The following RASIP1 variants were observed in gnomAD, a reference collection of about 807,000 sequenced individuals.
RASIP1 encodes the protein ras-interacting protein 1.
A neutral mutation model predicts 85.3 loss-of-function variants in RASIP1; 20 were observed. The ratio of observed to expected loss-of-function variants is 0.23; its 90% confidence interval spans 0.17 to 0.34. The LOEUF is 0.34. RASIP1 is among the 10% of genes least tolerant of loss of function. RASIP1 has a pLI of 1.00. For missense variants in RASIP1, 1,170 were observed against 1,390.9 expected (o/e 0.84, Z 2.53); for synonymous variants, 617 against 647.1 (o/e 0.95, Z 0.71).
At chr19:48,735,620 T>C in intron 3 of RASIP1, 69 bp from the exon 4 acceptor site, 1 of 1,397,206 alleles carries the variant, frequency 7.2e-7, no homozygotes. Context: ...CTGCAGATTA[T>C]GAGACAAAGA....
chr19:48,733,434 T>C (rs1209483164), intron 4 of RASIP1, among the ~76,000 whole-genome samples: 1 of 152,176 alleles, frequency 6.6e-6, no homozygotes, highest in Non-Finnish European at 1.5e-5. Context: ...CTATGTAAAA[T>C]AGATAGAAGG....
At position 48,728,050 on chromosome 19, in the gene RASIP1, A is replaced by G. The variant is rs188200873; in HGVS notation, c.1834-620T>C. Among the ~76,000 whole-genome samples the G allele has an allele frequency of 2.0e-4, 31 of 152,174 alleles. No individual in the cohort carries two copies. The East Asian group carries it at 5.4e-3, about 27-fold the overall frequency. The stretch of plus-strand genomic sequence containing the variant: ...TCTCTCCTTACTTTTTAAAACATAC[A>G]CACCCTATGATTATGAGTGATCTAG... On this transcript the variant is annotated intron_variant, in intron 5 of 11. Transcript: ENST00000222145.
At position 48,740,487 on chromosome 19, in the gene RASIP1, G is replaced by T; in HGVS notation, c.-5+34C>A. 1 of 1,402,382 alleles carries T rather than the reference G, an allele frequency of 7.1e-7. No individual in the cohort carries two copies. Among genetic ancestry groups the T allele is most frequent in the Non-Finnish European group, 9.2e-7 (1 of 1,086,398 alleles). The allele number at this position is 1,402,382 out of a possible 1,614,324, so 86.9% of individuals were successfully genotyped here. A position where few individuals can be genotyped will look rare whatever the true frequency, so the allele number is the denominator to read the frequency against. ...GGACTGAGTCTTGGGGCCCAGGGAGGAGGGGTTTGGGCTGCTGGGTCCCTG... is the reference window on the plus strand; with the variant it reads ...GGACTGAGTCTTGGGGCCCAGGGAGTAGGGGTTTGGGCTGCTGGGTCCCTG... On this transcript the variant is annotated intron_variant, in intron 1 of 11. Coordinates refer to ENST00000222145, the MANE Select transcript of RASIP1 (RefSeq NM_017805.3). The surrounding 1 kb of genome is among the most constrained non-coding windows in gnomAD (Gnocchi z 5.5).
rs201600970 is a variant in RASIP1, at chr19:48,726,960, G to A, written c.2023+47C>T. The A allele has an allele frequency of 2.1e-5, 34 of 1,612,312 alleles. No individual in the cohort carries two copies. In the East Asian group the frequency reaches 7.6e-4, roughly 36 times the overall value. On this transcript the variant is annotated intron_variant, in intron 7 of 11. Transcript: ENST00000222145. The stretch of plus-strand genomic sequence containing the variant: ...CAGGAGCCCAGGTCCCCAGGTGCAG[G>A]GCATGATGGGAGACTTGGACAAGCC...
At position 48,739,345 on chromosome 19, in the gene RASIP1, C is replaced by T; in HGVS notation, c.438G>A (p.Gly146=). 7.4e-7 allele frequency: 1 copy of T among 1,352,854 alleles called. No homozygotes were observed. Among genetic ancestry groups the T allele is most frequent in the Admixed American group, 4.0e-5 (1 of 24,952 alleles). 83.8% of individuals were successfully genotyped at this position (1,352,854 alleles called of 1,614,324 possible). The change falls in exon 3 of 12, where the codon GGG becomes GGA. Residue 146 remains glycine, a synonymous_variant. Transcript: ENST00000222145. This position sits in a 1 kb window ranked among gnomAD's most constrained non-coding sequence, Gnocchi z 9.2. ...PLATRATAPP[G]VLKIFGAGLA... ...GTCCGGCGCCGAAGATCTTGAGGAC[C>T]CCCGGAGGCGCCGTGGCGCGGGTAG...
Position 48,720,907 on chromosome 19 carries a change from T to A in RASIP1, c.2783A>T (p.Asp928Val). 1 of 1,613,814 alleles carries A rather than the reference T, an allele frequency of 6.2e-7. No individual in the cohort carries two copies. Among genetic ancestry groups the A allele is most frequent in the Non-Finnish European group, 8.5e-7 (1 of 1,179,968 alleles). Reference protein sequence around the residue: ...RLRLTGPVTDDALHRELRRLR... With the variant: ...RLRLTGPVTDVALHRELRRLR... ...CCTACGGAGTTCACGGTGCAAGGCA[T>A]CGTCCGTCACTGGACCAGTGAGGCG... Residue 928 changes from aspartate to valine, a missense_variant, in exon 12 of 12, where the codon GAT becomes GTT. By Grantham distance (152) the Asp-to-Val change is radical. Coordinates refer to ENST00000222145, the MANE Select transcript of RASIP1 (RefSeq NM_017805.3).
intron 4 of RASIP1, among the ~76,000 whole-genome samples, chr19:48,731,014 A>G (rs1247869234): frequency 6.6e-6 from 1 of 152,040 alleles, no homozygotes; most frequent in Non-Finnish European, 1.5e-5. Context: ...GAGACTCAAA[A>G]AAAAGAGGCC....
intron 4 of RASIP1, among the ~76,000 whole-genome samples, chr19:48,731,257 C>G (rs1330109515): frequency 6.6e-6 from 1 of 151,962 alleles, no homozygotes; most frequent in Non-Finnish European, 1.5e-5. Flanking sequence ...ATTCCCACCC[C>G]CCTAACAGAG....
intron 4 of RASIP1, among the ~76,000 whole-genome samples, chr19:48,733,788 AGACT>A (rs1316687152): frequency 1.4e-5 from 2 of 147,834 alleles, no homozygotes; most frequent in Non-Finnish European, 3.0e-5. Context: ...GCTGGGTGAC[AGACT>A]GAGAATCCAT....
intron 10 of RASIP1, among the ~76,000 whole-genome samples, chr19:48,723,087 T>C (rs2033278350): frequency 6.6e-6 from 1 of 152,036 alleles, no homozygotes; most frequent in East Asian, 1.9e-4. Flanking sequence ...GTGTCTCCCC[T>C]ATGTTGCCAA....
chr19:48,726,950 C>A, intron 7 of RASIP1, 57 bp downstream of exon 7: 2 of 1,610,052 alleles, frequency 1.2e-6, no homozygotes, highest in South Asian at 1.1e-5. Flanking sequence ...GCCCAGGTCC[C>A]CAGGTGCAGG....
intron 3 of RASIP1, chr19:48,737,807 CCCA>C: frequency 2.0e-6 from 2 of 981,060 alleles, no homozygotes; most frequent in Non-Finnish European, 2.4e-6. Context: ...CAAGCCCCGC[CCCA>C]CCACAGGCCC....
At chr19:48,736,606 C>G (rs2033577553) in intron 3 of RASIP1, among the ~76,000 whole-genome samples, 1 of 152,108 alleles carries the variant, frequency 6.6e-6, no homozygotes, top group South Asian at 2.1e-4. Context: ...CAGCTGGAAC[C>G]CTGGCACACA....
In RASIP1 at chr19:48,735,413, A is replaced by G. The variant is rs1375243353; in HGVS notation, c.962T>C (p.Leu321Ser). The G allele has an allele frequency of 1.9e-6, 3 of 1,612,118 alleles. No individual in the cohort carries two copies. Among genetic ancestry groups the G allele is most frequent in the South Asian group, 1.1e-5 (1 of 90,882 alleles). Residue 321 changes from leucine to serine, a missense_variant, in exon 4 of 12, where the codon TTG (leucine) becomes TCG (serine). By Grantham distance (145) the Leu-to-Ser change is moderately radical. Around this residue, in one of 4 missense-constraint regions of RASIP1, gnomAD observed 301 missense variants for 294.8 expected, o/e 1.02. Coordinates refer to ENST00000222145, the MANE Select transcript of RASIP1 (RefSeq NM_017805.3). ...GSGGKERSENLSLRRSVSELS... is the reference protein window; with the variant it reads ...GSGGKERSENSSLRRSVSELS... ...CTCCGACACGCTGCGCCGCAAAGAC[A>G]AGTTTTCTGAGCGCTCCTTGCCTCC...
At position 48,738,685 on chromosome 19, in the gene RASIP1, C is replaced by T. The variant is rs1394368433; in HGVS notation, c.823+275G>A. 3.3e-6 allele frequency: 1 copy of T among 299,328 alleles called. No individual in the cohort carries two copies. Among genetic ancestry groups the T allele is most frequent in the African/African-American group, 2.2e-5 (1 of 45,234 alleles). 18.5% of individuals were successfully genotyped at this position (299,328 alleles called of 1,614,324 possible). A position where few individuals can be genotyped will look rare whatever the true frequency, so the allele number is the denominator to read the frequency against. ...TCCAAGCCACCACCAGCAACCAGCC[C>T]CCGTCCCGCCTAAGCCCCAAGCTTG... On this transcript the variant is annotated intron_variant, in intron 3 of 11. Coordinates refer to ENST00000222145, the MANE Select transcript of RASIP1 (RefSeq NM_017805.3). The surrounding 1 kb of genome is among the most constrained non-coding windows in gnomAD (Gnocchi z 4.0).
chr19:48,723,349 C>T (rs554158028), intron 10 of RASIP1, among the ~76,000 whole-genome samples: 1 of 152,216 alleles, frequency 6.6e-6, no homozygotes, highest in Admixed American at 6.5e-5. Flanking sequence ...CCCCTGAGGT[C>T]AGGAGTTCAA....
chr19:48,725,905 G>T (rs2033334017), intron 8 of RASIP1, among the ~76,000 whole-genome samples: 1 of 152,020 alleles, frequency 6.6e-6, no homozygotes, highest in Non-Finnish European at 1.5e-5. Flanking sequence ...AAGTGGTGAT[G>T]ATTACTTTTT....
At position 48,724,947 on chromosome 19, in the gene RASIP1, G is replaced by T; in HGVS notation, c.2141C>A (p.Thr714Lys). Residue 714 changes from threonine to lysine, a missense_variant, in exon 9 of 12, where the codon ACG (threonine) becomes AAG (lysine). Transcript: ENST00000222145. This position sits in a 1 kb window ranked among gnomAD's most constrained non-coding sequence, Gnocchi z 4.6. ...GTTACTATCCAGGAGAGCAGGCAGCGTTGAATAGAGAGTCTGAGAAAATAG... is the reference window on the plus strand; with the variant it reads ...GTTACTATCCAGGAGAGCAGGCAGCTTTGAATAGAGAGTCTGAGAAAATAG... ...VYYLTKTLYS[T>K]LPALLDSNPF... 6.2e-7 allele frequency: 1 copy of T among 1,611,756 alleles called. No individual in the cohort carries two copies. The highest frequency in any genetic ancestry group is 8.5e-7 in the Non-Finnish European group (1 of 1,177,984).
In RASIP1 at chr19:48,729,048, C is replaced by G. The variant is rs759416990; in HGVS notation, c.1722G>C (p.Gly574=). ...AAGSGDLPPL[G]PATLLALCVQ... ...CGCACAGCGCCAGCAGCGTGGCGGGCCCGAGGGGCGGCAGGTCTCCCGAGC... is the reference window on the plus strand; with the variant it reads ...CGCACAGCGCCAGCAGCGTGGCGGGGCCGAGGGGCGGCAGGTCTCCCGAGC... Residue 574 remains glycine, a synonymous_variant, in exon 5 of 12, where the codon GGG becomes GGC. Transcript: ENST00000222145. The G allele has an allele frequency of 4.5e-5, 63 of 1,399,524 alleles. No individual in the cohort carries two copies. Among genetic ancestry groups the G allele is most frequent in the Non-Finnish European group, 5.7e-5 (62 of 1,086,452 alleles). The allele number at this position is 1,399,524 out of a possible 1,614,324, so 86.7% of individuals were successfully genotyped here.
Sources: allele counts gnomAD v4.1 joint callset (sites outside exome capture counted in the v4.1 genomes callset), GRCh38; gene constraint gnomAD v4.1.1; regional missense constraint gnomAD v4.1.1; non-coding constraint Gnocchi (gnomAD v3.1); transcripts MANE v1.5; gene names NCBI Gene and HGNC (gene_info 2026-07-23, HGNC 2026-07-21).